The following CSMD3 variants were observed in gnomAD, a reference collection of about 807,000 sequenced individuals.
The protein encoded by CSMD3 is CUB and Sushi multiple domains 3, also known as CUB and sushi domain-containing protein 3.
A neutral mutation model predicts 435.2 loss-of-function variants in CSMD3; 177 were observed. That is an observed-to-expected ratio of 0.41 (90% CI 0.36 to 0.46). The LOEUF is 0.46. Among genes scored for constraint, CSMD3 ranks in the 20% least tolerant of loss-of-function variants. CSMD3 has a pLI of 0.34. For missense variants in CSMD3, 4,265 were observed against 4,504.6 expected, an observed-to-expected ratio of 0.95 and a Z score of 1.52; for synonymous variants, 1,656 against 1,520.5, an observed-to-expected ratio of 1.09 and a Z score of -2.07.
chr8:112,697,776 G>T (rs2076292604), intron 13 of CSMD3, among the ~76,000 whole-genome samples: 1 of 151,856 alleles, frequency 6.6e-6, no homozygotes, highest in Non-Finnish European at 1.5e-5. Context: ...ATAAAATGTA[G>T]CCCCTGTCCT....
At chr8:113,166,076 C>A (rs1468618926) in intron 4 of CSMD3, among the ~76,000 whole-genome samples, 1 of 152,060 alleles carries the variant, frequency 6.6e-6, no homozygotes, top group Non-Finnish European at 1.5e-5. Flanking sequence ...TAGACAATAA[C>A]CCAGATCACC....
intron 40 of CSMD3, among the ~76,000 whole-genome samples, chr8:112,347,548 T>A (rs1025601033): frequency 4.6e-5 from 7 of 152,198 alleles, no homozygotes; most frequent in African/African-American, 1.4e-4. Flanking sequence ...CTAAATAAAT[T>A]ATGTGTCAAT....
chr8:112,379,267 C>T (rs973113238), intron 38 of CSMD3, among the ~76,000 whole-genome samples: 13 of 152,044 alleles, frequency 8.6e-5, no homozygotes, highest in African/African-American at 2.7e-4. Context: ...GTCAGGAGTT[C>T]GATACCAGCC....
At chr8:113,031,599 C>A (rs1484249252) in intron 5 of CSMD3, among the ~76,000 whole-genome samples, 6 of 151,582 alleles carry the variant, frequency 4.0e-5, no homozygotes, top group Non-Finnish European at 7.4e-5. Flanking sequence ...TTGACTATAG[C>A]ATTGTGATAA....
chr8:112,509,658 T>A (rs956827538), intron 28 of CSMD3, among the ~76,000 whole-genome samples: 5 of 152,184 alleles, frequency 3.3e-5, no homozygotes, highest in African/African-American at 1.2e-4. Flanking sequence ...TCTTCTAGTG[T>A]CTTTATACAG....
At chr8:112,746,383 G>C (rs2077426136) in intron 13 of CSMD3, among the ~76,000 whole-genome samples, 1 of 152,034 alleles carries the variant, frequency 6.6e-6, no homozygotes, top group Admixed American at 6.5e-5. Context: ...AGTGATTTCA[G>C]ACAGCACTTA....
At chr8:112,928,198 C>T (rs1417417137) in intron 9 of CSMD3, among the ~76,000 whole-genome samples, 1 of 151,956 alleles carries the variant, frequency 6.6e-6, no homozygotes, top group Non-Finnish European at 1.5e-5. Context: ...AAGGAAAAAT[C>T]CCAAAAGAAA....
chr8:113,300,087 G>T (rs1250716224), intron 2 of CSMD3, among the ~76,000 whole-genome samples: 1 of 151,282 alleles, frequency 6.6e-6, no homozygotes, highest in African/African-American at 2.4e-5. Flanking sequence ...CCAGGAGGCG[G>T]AGGCTGCAGT....
At chr8:112,854,037 CA>C (rs2080574554) in intron 11 of CSMD3, among the ~76,000 whole-genome samples, 1 of 152,168 alleles carries the variant, frequency 6.6e-6, no homozygotes, top group African/African-American at 2.4e-5. Context: ...GGTAATACCA[CA>C]GTTTTTACTT....
chr8:112,371,427 C>T, intron 38 of CSMD3, among the ~76,000 whole-genome samples: 1 of 152,074 alleles, frequency 6.6e-6, no homozygotes, highest in East Asian at 1.9e-4. Flanking sequence ...GGGAGTGGCA[C>T]AAGGAGCTTG....
intron 1 of CSMD3, among the ~76,000 whole-genome samples, chr8:113,351,738 A>G (rs1236847199): frequency 3.3e-5 from 5 of 152,134 alleles, no homozygotes; most frequent in Non-Finnish European, 5.9e-5. Flanking sequence ...TGAGATAAAG[A>G]TTAGCATCTT....
Position 113,270,423 on chromosome 8 carries a change from C to T in CSMD3, c.514+8169G>A, listed in dbSNP as rs2093513156. 2.6e-5 allele frequency among the ~76,000 whole-genome samples: 4 copies of T among 152,218 alleles called. No homozygotes were observed. The South Asian group carries it at 8.3e-4, about 32-fold the overall frequency. On this transcript the variant is annotated intron_variant, in intron 3 of 70. Transcript: ENST00000297405. ...ATTGTGTAAGATAGTGTGGTGATTC[C>T]TCATGGATCTAGAACTAGAAATACC...
intron 27 of CSMD3, among the ~76,000 whole-genome samples, chr8:112,547,384 A>C (rs1279782807): frequency 6.6e-6 from 1 of 151,886 alleles, no homozygotes; most frequent in Non-Finnish European, 1.5e-5. Context: ...CCTCATCTGT[A>C]CAAAAAAAAA....
chr8:112,727,062 C>A (rs2131994319), intron 13 of CSMD3, among the ~76,000 whole-genome samples: 1 of 151,670 alleles, frequency 6.6e-6, no homozygotes, highest in East Asian at 1.9e-4. Flanking sequence ...TTCTGAACAA[C>A]AAAAAATACA....
chr8:112,456,518 T>C (rs1816856200), intron 32 of CSMD3, among the ~76,000 whole-genome samples: 1 of 150,766 alleles, frequency 6.6e-6, no homozygotes, highest in South Asian at 2.1e-4. Flanking sequence ...ATGGAAAAAA[T>C]ACCTGTTTAG....
intron 27 of CSMD3, among the ~76,000 whole-genome samples, chr8:112,517,635 G>A (rs984361913): frequency 6.6e-6 from 1 of 151,904 alleles, no homozygotes; most frequent in Non-Finnish European, 1.5e-5. Flanking sequence ...TAATGAAAAC[G>A]ATATCAGAAA....
Position 112,298,151 on chromosome 8 carries a change from A to G in CSMD3, c.8441-2145T>C, listed in dbSNP as rs185103405. Among the ~76,000 whole-genome samples the G allele has an allele frequency of 5.1e-4, 78 of 151,854 alleles. No homozygotes were observed. The East Asian group carries it at 0.014, about 28-fold the overall frequency. On this transcript the variant is annotated intron_variant, in intron 53 of 70. Coordinates refer to ENST00000297405, the MANE Select transcript of CSMD3 (RefSeq NM_198123.2). Reference sequence around the variant, plus strand: ...GATCACAAGACTCAATGTTTTTAGAAGCCAATTTTCCCCAAACTGATGAAA... The same window carrying G: ...GATCACAAGACTCAATGTTTTTAGAGGCCAATTTTCCCCAAACTGATGAAA...
chr8:112,706,336 G>T (rs1464188674), intron 13 of CSMD3, among the ~76,000 whole-genome samples: 3 of 151,952 alleles, frequency 2.0e-5, no homozygotes, highest in African/African-American at 7.3e-5. Context: ...AAGAAGACAA[G>T]CATACAAGTA....
At chr8:112,955,148 T>A (rs958267364) in intron 7 of CSMD3, among the ~76,000 whole-genome samples, 6 of 151,678 alleles carry the variant, frequency 4.0e-5, no homozygotes, top group Non-Finnish European at 8.9e-5. Context: ...TGGGAAGGAT[T>A]TAATAGGTTT....
Sources: allele counts gnomAD v4.1 joint callset (sites outside exome capture counted in the v4.1 genomes callset), GRCh38; gene constraint gnomAD v4.1.1; transcripts MANE v1.5; gene names NCBI Gene and HGNC (gene_info 2026-07-23, HGNC 2026-07-21).